TMEM245: variants seen among roughly 807,000 people sequenced by gnomAD.
TMEM245 encodes transmembrane protein 245.
A neutral mutation model predicts 101.2 loss-of-function variants in TMEM245; 69 were observed. The ratio of observed to expected loss-of-function variants is 0.68; its 90% confidence interval spans 0.56 to 0.83. TMEM245 has a LOEUF of 0.83. TMEM245 is among the 40% of genes least tolerant of loss of function. The probability of loss-of-function intolerance (pLI) is 0.00; values close to 1 mark genes in which losing one functional copy is unlikely to be tolerated. For synonymous variants in TMEM245, 537 were observed against 449.8 expected (o/e 1.19, Z -2.45); for missense variants, 1,075 against 1,092.8 (o/e 0.98, Z 0.23).
At position 109,106,598 on chromosome 9, in the gene TMEM245, C is replaced by T; in HGVS notation, c.709G>A (p.Gly237Ser). The change falls in exon 3 of 18, where the codon GGC (glycine) becomes AGC (serine). Residue 237 changes from glycine (G) to serine (S), a missense_variant. Around this residue, in one of 2 missense-constraint regions of TMEM245, gnomAD observed 808 missense variants for 741.5 expected, o/e 1.09. Coordinates refer to ENST00000374586, the MANE Select transcript of TMEM245 (RefSeq NM_032012.4). ...AGGAATACTGGAATTCTCCATGAGC[C>T]AGCCAGGGATGCTGCAAATTATTAA... Reference protein sequence around the residue: ...ILLFHLASLAGSWRIPVFLVI... With the variant: ...ILLFHLASLASSWRIPVFLVI... 6.2e-7 allele frequency: 1 copy of T among 1,610,774 alleles called. No individual in the cohort carries two copies. Among genetic ancestry groups the T allele is most frequent in the Non-Finnish European group, 8.5e-7 (1 of 1,178,026 alleles).
In TMEM245 at chr9:109,016,319, C is replaced by T. The variant is rs1379331526; in HGVS notation, c.*4141G>A. 1 of 152,054 alleles carries T rather than the reference C, an allele frequency of 6.6e-6. No homozygotes were observed. Among genetic ancestry groups the T allele is most frequent in the Non-Finnish European group, 1.5e-5 (1 of 68,004 alleles). 9.4% of individuals were successfully genotyped at this position (152,054 alleles called of 1,614,324 possible). On this transcript the variant is annotated 3_prime_UTR_variant, in exon 18 of 18. Transcript: ENST00000374586. ...CAACACACACACACTTTTTTTCTTA[C>T]ATCTATTAACATCTCTTGGAACTAC... is the stretch of plus-strand genomic sequence containing the variant.
intron 14 of TMEM245, chr9:109,046,134 C>T (rs1828482472): frequency 1.1e-5 from 5 of 436,196 alleles, no homozygotes; most frequent in South Asian, 7.1e-5. Flanking sequence ...GGCATACACA[C>T]TGTCTTATCT....
chr9:109,072,985 T>C (rs1829380505), intron 9 of TMEM245, among the ~76,000 whole-genome samples: 1 of 152,212 alleles, frequency 6.6e-6, no homozygotes, highest in South Asian at 2.1e-4. Flanking sequence ...TTATCTCAAG[T>C]TCCTTAACCT....
At chr9:109,043,023 T>C (rs1050499862) in intron 14 of TMEM245, among the ~76,000 whole-genome samples, 5 of 152,164 alleles carry the variant, frequency 3.3e-5, no homozygotes, top group Middle Eastern at 3.4e-3. Context: ...CAACCACTGT[T>C]ATGTGCTGTG....
Position 109,033,175 on chromosome 9 carries a change from T to C in TMEM245, c.2594+132A>G, listed in dbSNP as rs181681141. On this transcript the variant is annotated intron_variant, in intron 17 of 17. Transcript: ENST00000374586. ...CGATTTGTATTTACTTAGTGTCTTC[T>C]GCAACCTTTATCACAGCATTGGTAC... is the stretch of plus-strand genomic sequence containing the variant. 2.7e-4 allele frequency: 285 copies of C among 1,042,422 alleles called. No individual in the cohort carries two copies. In the African/African-American group the frequency reaches 4.1e-3, roughly 15 times the overall value. 64.6% of individuals were successfully genotyped at this position (1,042,422 alleles called of 1,614,324 possible).
intron 10 of TMEM245, 38 bp from the exon 11 acceptor site, chr9:109,060,490 C>T: frequency 7.1e-7 from 1 of 1,400,098 alleles, no homozygotes; most frequent in East Asian, 2.3e-5. Flanking sequence ...TACAATATTT[C>T]AGGCAACAAC....
chr9:109,060,188 C>A (rs1828967531), intron 11 of TMEM245, among the ~76,000 whole-genome samples, 166 bp downstream of exon 11: 1 of 152,196 alleles, frequency 6.6e-6, no homozygotes, highest in African/African-American at 2.4e-5. Context: ...GCCATGGAGA[C>A]TAACCATCAA....
intron 16 of TMEM245, 61 bp downstream of exon 16, chr9:109,036,145 A>T (rs978554689): frequency 1.8e-6 from 2 of 1,124,584 alleles, no homozygotes; most frequent in South Asian, 2.5e-5. Flanking sequence ...TCCTCCTTTA[A>T]AAAAAAAAAA....
intron 1 of TMEM245, among the ~76,000 whole-genome samples, chr9:109,113,672 G>A (rs1000519411): frequency 1.3e-5 from 2 of 152,196 alleles, no homozygotes; most frequent in Non-Finnish European, 2.9e-5. Context: ...ACATTAAGTA[G>A]AGACTCTGCC....
intron 3 of TMEM245, among the ~76,000 whole-genome samples, chr9:109,104,360 A>C (rs945768870): frequency 2.6e-5 from 4 of 152,156 alleles, no homozygotes; most frequent in Non-Finnish European, 5.9e-5. Flanking sequence ...TAAAAAAAAC[A>C]CTAAAAAATT....
intron 17 of TMEM245, among the ~76,000 whole-genome samples, chr9:109,022,467 TTATC>T (rs35280235): frequency 0.093 from 13,885 of 149,490 alleles, 712 homozygotes; most frequent in South Asian, 0.2. Context: ...TTTATATGCA[TTATC>T]TATCTATCTA....
intron 10 of TMEM245, among the ~76,000 whole-genome samples, chr9:109,061,714 G>A (rs12686212): frequency 0.22 from 33,232 of 151,810 alleles, 4,464 homozygotes; most frequent in Admixed American, 0.3. Context: ...GATTACAGGT[G>A]TGCGCCCCCA....
chr9:109,028,763 A>G (rs1293970898), intron 17 of TMEM245, among the ~76,000 whole-genome samples: 1 of 152,202 alleles, frequency 6.6e-6, no homozygotes, highest in Non-Finnish European at 1.5e-5. Context: ...AACCCAAATT[A>G]TCAGCTGCCT....
At chr9:109,117,889 C>G (rs1290103855) in intron 1 of TMEM245, among the ~76,000 whole-genome samples, 2 of 152,238 alleles carry the variant, frequency 1.3e-5, no homozygotes, top group African/African-American at 4.8e-5. Context: ...GTTCTGCCTT[C>G]TAGCTAAGAA....
At chr9:109,092,647 T>C (rs1830038038) in intron 4 of TMEM245, among the ~76,000 whole-genome samples, 1 of 152,258 alleles carries the variant, frequency 6.6e-6, no homozygotes, top group Admixed American at 6.5e-5. Flanking sequence ...TTCCTTTATC[T>C]TAGCTGACAT....
At chr9:109,046,086 G>A (rs561151687) in intron 14 of TMEM245, 164 of 249,902 alleles carry the variant, frequency 6.6e-4, no homozygotes, top group African/African-American at 3.3e-3. Context: ...GGAAGGTACC[G>A]ATGGGAAGCA....
chr9:109,109,973 CT>C (rs1830525771), intron 1 of TMEM245, among the ~76,000 whole-genome samples: 1 of 152,058 alleles, frequency 6.6e-6, no homozygotes, highest in African/African-American at 2.4e-5. Context: ...TTTCCTTTCA[CT>C]TTTTTCTGTA....
intron 8 of TMEM245, among the ~76,000 whole-genome samples, chr9:109,080,314 T>G (rs529074841): frequency 6.6e-6 from 1 of 152,042 alleles, no homozygotes; most frequent in Non-Finnish European, 1.5e-5. Context: ...GATATCACTA[T>G]AAAGATAACA....
chr9:109,058,640 G>C (rs1439373996), intron 11 of TMEM245, among the ~76,000 whole-genome samples: 2 of 152,104 alleles, frequency 1.3e-5, no homozygotes, highest in African/African-American at 4.8e-5. Flanking sequence ...CGTCTTGCTT[G>C]CCCTGTCACC....
Sources: gnomAD v4.1 joint callset for allele counts (sites outside exome capture counted in the v4.1 genomes callset) on GRCh38, gnomAD v4.1.1 for gene constraint, gnomAD v4.1.1 regional missense constraint, MANE v1.5 for transcripts, NCBI Gene and HGNC (gene_info 2026-07-23, HGNC 2026-07-21) for gene names.